IL1RAPL1: variants seen among roughly 807,000 people sequenced by gnomAD.
IL1RAPL1 encodes the protein interleukin 1 receptor accessory protein like 1.
A neutral mutation model predicts 48.4 loss-of-function variants in IL1RAPL1; 3 were observed. The observed-to-expected ratio is 0.06, with a 90% CI of 0.03 to 0.16. The LOEUF (loss-of-function observed/expected upper bound fraction) is 0.16, where lower values mean the gene tolerates loss of function less well. Among genes scored for constraint, IL1RAPL1 ranks in the 10% least tolerant of loss-of-function variants. IL1RAPL1 has a pLI of 1.00. For synonymous variants in IL1RAPL1, 185 were observed against 187.7 expected (o/e 0.99, Z 0.12); for missense variants, 349 against 530.6 (o/e 0.66, Z 3.36).
At chrX:28,749,695 T>C (rs1028274204) in intron 1 of IL1RAPL1, among the ~76,000 whole-genome samples, 2 of 111,661 alleles carry the variant, frequency 1.8e-5, no homozygotes, top group Non-Finnish European at 3.8e-5. Context: ...CCTCCCATTT[T>C]GTAGGTTGTC....
chrX:28,919,335 AGTTT>A (rs1418782184), intron 2 of IL1RAPL1, among the ~76,000 whole-genome samples: 2 of 112,325 alleles, frequency 1.8e-5, no homozygotes, highest in African/African-American at 6.5e-5. Context: ...CTGTAGTCGT[AGTTT>A]ATTAACGTGC....
intron 3 of IL1RAPL1, among the ~76,000 whole-genome samples, chrX:29,378,604 A>T (rs192481513): frequency 2.7e-5 from 3 of 112,260 alleles, no homozygotes; most frequent in Non-Finnish European, 1.9e-5. Context: ...TTATGGCTTA[A>T]TTCTTGCCCA....
At chrX:29,712,069 GA>G (rs1336904336) in intron 6 of IL1RAPL1, among the ~76,000 whole-genome samples, 186 of 100,940 alleles carry the variant, frequency 1.8e-3, no homozygotes, top group African/African-American at 6.2e-3. Flanking sequence ...TTTTTTTGGA[GA>G]AAAAAATGAT....
intron 1 of IL1RAPL1, among the ~76,000 whole-genome samples, chrX:28,721,539 T>A (rs1935580259): frequency 9.0e-6 from 1 of 111,684 alleles, no homozygotes; most frequent in Admixed American, 9.5e-5. Context: ...TCCCATTCTA[T>A]AGGTTGCCTG....
At chrX:28,826,914 A>T (rs918741674) in intron 2 of IL1RAPL1, among the ~76,000 whole-genome samples, 4 of 111,122 alleles carry the variant, frequency 3.6e-5, no homozygotes, top group African/African-American at 1.3e-4. Flanking sequence ...TTCTTTGCAT[A>T]TTCAAGTAGT....
chrX:29,002,500 G>T (rs544648421), intron 2 of IL1RAPL1, among the ~76,000 whole-genome samples: 1 of 108,246 alleles, frequency 9.2e-6, no homozygotes, highest in African/African-American at 3.4e-5. Context: ...CAGTAAGCTT[G>T]GGATTTATAT....
intron 5 of IL1RAPL1, among the ~76,000 whole-genome samples, chrX:29,549,658 T>G (rs1208990710): frequency 1.8e-5 from 2 of 111,778 alleles, no homozygotes; most frequent in Non-Finnish European, 3.8e-5. Context: ...TTAGAAAAGT[T>G]TTAACAAAAG....
intron 2 of IL1RAPL1, among the ~76,000 whole-genome samples, chrX:28,907,860 C>G (rs918278207): frequency 3.6e-5 from 4 of 111,739 alleles, no homozygotes; most frequent in African/African-American, 1.3e-4. Flanking sequence ...GTGAAATAAT[C>G]AGGTCCTTGT....
chrX:29,060,370 A>G (rs1227455259), intron 2 of IL1RAPL1, among the ~76,000 whole-genome samples: 2 of 111,725 alleles, frequency 1.8e-5, no homozygotes, highest in Non-Finnish European at 3.8e-5. Flanking sequence ...GACCAGTTCT[A>G]GCTACCAAAA....
At chrX:29,130,536 G>T (rs1277594828) in intron 2 of IL1RAPL1, among the ~76,000 whole-genome samples, 1 of 112,245 alleles carries the variant, frequency 8.9e-6, no homozygotes, top group Non-Finnish European at 1.9e-5. Context: ...TCCAACTGAA[G>T]AACTCCAAAC....
intron 1 of IL1RAPL1, among the ~76,000 whole-genome samples, chrX:28,714,718 A>C (rs994862750): frequency 2.7e-5 from 3 of 112,110 alleles, no homozygotes; most frequent in African/African-American, 9.7e-5. Flanking sequence ...AAATCTACTG[A>C]AAATCAGCAA....
chrX:29,170,957 A>G (rs190250010), intron 2 of IL1RAPL1, among the ~76,000 whole-genome samples: 36 of 110,914 alleles, frequency 3.2e-4, no homozygotes, highest in African/African-American at 1.1e-3. Flanking sequence ...ATGGTGGTTT[A>G]CTTTCTGTTA....
chrX:28,689,287 C>T (rs1001624386), intron 1 of IL1RAPL1, among the ~76,000 whole-genome samples: 4 of 110,563 alleles, frequency 3.6e-5, no homozygotes, highest in Admixed American at 9.6e-5. Context: ...GGGGTGGTTT[C>T]CCCCATGCTG....
chrX:28,853,499 A>T (rs1199574828), intron 2 of IL1RAPL1, among the ~76,000 whole-genome samples: 1 of 109,465 alleles, frequency 9.1e-6, no homozygotes, highest in Admixed American at 9.7e-5. Context: ...GCGCGCACAC[A>T]CACACACACA....
chrX:29,334,239 G>T (rs1932939977), intron 3 of IL1RAPL1, among the ~76,000 whole-genome samples: 1 of 69,395 alleles, frequency 1.4e-5, no homozygotes, highest in Non-Finnish European at 2.8e-5. Context: ...CGGCTGGCCG[G>T]GCAGAGGGGC....
At chrX:28,977,386 G>C (rs1453340582) in intron 2 of IL1RAPL1, among the ~76,000 whole-genome samples, 1 of 111,846 alleles carries the variant, frequency 8.9e-6, no homozygotes, top group African/African-American at 3.3e-5. Context: ...GAGCAAGAGA[G>C]AGAGTGGGGA....
chrX:28,685,092 C>T (rs1935097215), intron 1 of IL1RAPL1, among the ~76,000 whole-genome samples: 1 of 111,779 alleles, frequency 8.9e-6, no homozygotes, highest in African/African-American at 3.2e-5. Context: ...AACCTTCTAC[C>T]AATTAAATTA....
At chrX:29,633,156 A>G (rs1342891148) in intron 5 of IL1RAPL1, among the ~76,000 whole-genome samples, 1 of 111,519 alleles carries the variant, frequency 9.0e-6, no homozygotes, top group Non-Finnish European at 1.9e-5. Context: ...ATAATGGAAT[A>G]ACTTACAGCA....
intron 2 of IL1RAPL1, among the ~76,000 whole-genome samples, chrX:29,179,504 A>G (rs1030967831): frequency 3.6e-5 from 4 of 111,482 alleles, no homozygotes; most frequent in Admixed American, 9.6e-5. Context: ...AGCTGGAGCT[A>G]TGTTACCTAG....
Sources: allele counts gnomAD v4.1 joint callset (sites outside exome capture counted in the v4.1 genomes callset), GRCh38; gene constraint gnomAD v4.1.1; transcripts MANE v1.5; gene names NCBI Gene and HGNC (gene_info 2026-07-23, HGNC 2026-07-21).